NASP: variants seen among roughly 807,000 people sequenced by gnomAD.
The protein encoded by NASP is NASP histone chaperone.
In NASP, 24 loss-of-function variants were observed where a neutral mutation model predicts 89.5. The ratio of observed to expected loss-of-function variants is 0.27; its 90% CI spans 0.19 to 0.38. NASP has a LOEUF of 0.38. Among genes scored for constraint, NASP ranks in the 10% least tolerant of loss-of-function variants. NASP has a pLI of 1.00. For synonymous variants in NASP, 306 were observed against 324.7 expected, an observed-to-expected ratio of 0.94 and a Z score of 0.62; for missense variants, 848 against 921.4, an observed-to-expected ratio of 0.92 and a Z score of 1.03.
intron 5 of NASP, chr1:45,606,799 G>T (rs1398235732): frequency 6.9e-6 from 3 of 437,444 alleles, no homozygotes; most frequent in East Asian, 7.5e-5. Context: ...ATTTTCTCAA[G>T]TAAATCCAGT....
At position 45,594,629 on chromosome 1, in the gene NASP, C is replaced by T. The variant is rs982917395; in HGVS notation, c.107+3359C>T. ...TCAGGTGATCCTCCTGCCTTAGACTCCTGGGTAGCTAGGATCACAGATGTG... is the reference window on the plus strand; with the variant it reads ...TCAGGTGATCCTCCTGCCTTAGACTTCTGGGTAGCTAGGATCACAGATGTG... On this transcript the variant is annotated intron_variant, in intron 2 of 14. Coordinates refer to ENST00000350030, the MANE Select transcript of NASP (RefSeq NM_002482.4). 4.9e-5 allele frequency: 21 copies of T among 429,804 alleles called. No homozygotes were observed. In the East Asian group the frequency reaches 1.2e-3, roughly 25 times the overall value. The allele number at this position is 429,804 out of a possible 1,614,324, so 26.6% of individuals were successfully genotyped here.
chr1:45,595,154 TGTGTG>T (rs1643662173), intron 2 of NASP, among the ~76,000 whole-genome samples: 1 of 142,328 alleles, frequency 7.0e-6, no homozygotes, highest in Non-Finnish European at 1.6e-5. Flanking sequence ...TGTGTGTGTG[TGTGTG>T]TGTGTGTGTG....
At position 45,615,658 on chromosome 1, in the gene NASP, C is replaced by T. The variant is rs541711873; in HGVS notation, c.2022+187C>T. On this transcript the variant is annotated intron_variant, in intron 11 of 14. Coordinates refer to ENST00000350030, the MANE Select transcript of NASP (RefSeq NM_002482.4). ...GCCCCAGACTATCTGGGTTTTAATT[C>T]CATACTTACGTGTGGCCATGGGCCT... The T allele has an allele frequency of 1.2e-3, 681 of 581,980 alleles. 4 individuals are homozygous for T. Among genetic ancestry groups the T allele is most frequent in the South Asian group, 2.5e-3 (113 of 44,654 alleles). 36.1% of individuals were successfully genotyped at this position (581,980 alleles called of 1,614,324 possible).
intron 12 of NASP, 96 bp from the exon 13 acceptor site, chr1:45,616,530 G>T: frequency 6.7e-7 from 1 of 1,503,622 alleles, no homozygotes; most frequent in Non-Finnish European, 9.2e-7. Flanking sequence ...GGGCAACATA[G>T]TGAGACCTTG....
intron 2 of NASP, among the ~76,000 whole-genome samples, chr1:45,595,198 A>G (rs528868052): frequency 9.4e-4 from 136 of 144,578 alleles, no homozygotes; most frequent in Middle Eastern, 7.5e-3. Flanking sequence ...TTTTAGAGAC[A>G]GGGTCTTATT....
chr1:45,614,443 G>A (rs778109922), intron 9 of NASP, 77 bp downstream of exon 9: 231 of 1,159,726 alleles, frequency 2.0e-4, no homozygotes, highest in Non-Finnish European at 2.6e-4. Context: ...CTCTGGAACC[G>A]AACTTGATCT....
chr1:45,608,326 A>G lies in NASP; in HGVS notation c.1415A>G (p.Lys472Arg). The G allele has an allele frequency of 6.2e-7, 1 of 1,606,486 alleles. No individual in the cohort carries two copies. The highest frequency in any genetic ancestry group is 1.7e-5 in the Admixed American group (1 of 58,476). Residue 472 changes from lysine (K) to arginine (R), a missense_variant, in exon 6 of 15, where the codon AAA becomes AGA. By Grantham distance (26) the Lys-to-Arg change is conservative. This residue lies in a region of NASP where 464 missense variants were observed against 469.4 expected (regional missense o/e 0.99). Transcript: ENST00000350030. ...ACACAAGAGAGAGAAGAACAGATGA[A>G]AGAGGGTGAAGGTAACCGGGATATG... ...EETQEREEQM[K>R]EGEETEGSEE...
At chr1:45,592,708 T>G (rs188143444) in intron 2 of NASP, 4 of 152,226 alleles carry the variant, frequency 2.6e-5, no homozygotes, top group African/African-American at 9.6e-5. Context: ...AGAGACAGGG[T>G]TTCGCCATGT....
rs187219875 is a variant in NASP at position 45,614,696 on chromosome 1, G to A, written c.1667-317G>A. Among the ~76,000 whole-genome samples the A allele has an allele frequency of 5.7e-4, 86 of 152,146 alleles. No homozygotes were observed. The East Asian group carries it at 0.013, about 23-fold the overall frequency. Reference sequence around the variant, plus strand: ...TGGGATTACAGGCACCCACCACCACGCCCGGTTAATTTTTGTATTTTTAGT... The same window carrying A: ...TGGGATTACAGGCACCCACCACCACACCCGGTTAATTTTTGTATTTTTAGT... On this transcript the variant is annotated intron_variant, in intron 9 of 14. Transcript: ENST00000350030.
rs529940436 is a variant in NASP, at chr1:45,588,602, C to T, written c.60-2621C>T. 9.5e-5 allele frequency: 43 copies of T among 451,668 alleles called. 1 individual carries two copies. The highest frequency in any genetic ancestry group is 7.7e-4 in the African/African-American group (38 of 49,588). 28.0% of individuals were successfully genotyped at this position (451,668 alleles called of 1,614,324 possible). A position where few individuals can be genotyped will look rare whatever the true frequency, so the allele number is the denominator to read the frequency against. The stretch of plus-strand genomic sequence containing the variant: ...CTCCTTAACCCTATCTTTGACTATT[C>T]GATGGGTAAAACATACTTTCTAAGT... On this transcript the variant is annotated intron_variant, in intron 1 of 14. Transcript: ENST00000350030.
intron 2 of NASP, among the ~76,000 whole-genome samples, chr1:45,594,982 T>A (rs1315289832): frequency 1.3e-5 from 2 of 152,110 alleles, no homozygotes; most frequent in African/African-American, 4.8e-5. Flanking sequence ...CGGAACTGCT[T>A]AATCTTTCCT....
At chr1:45,594,269 C>T (rs1044608561) in intron 2 of NASP, among the ~76,000 whole-genome samples, 7 of 151,302 alleles carry the variant, frequency 4.6e-5, no homozygotes, top group African/African-American at 1.5e-4. Flanking sequence ...GTGGAAGTTG[C>T]AGTCAGCCAA....
At chr1:45,597,298 CTTTTTTTTT>C (rs71056314) in intron 2 of NASP, among the ~76,000 whole-genome samples, 98 of 99,850 alleles carry the variant, frequency 9.8e-4, no homozygotes, top group East Asian at 1.5e-3. Context: ...CAGAGCAAGA[CTTTTTTTTT>C]TTTTTTTTTT....
At chr1:45,613,811 C>T (rs1644057496) in intron 7 of NASP, among the ~76,000 whole-genome samples, 2 of 152,240 alleles carry the variant, frequency 1.3e-5, no homozygotes, top group South Asian at 2.1e-4. Context: ...TTATAGATAA[C>T]TGTCTCTTGA....
intron 2 of NASP, among the ~76,000 whole-genome samples, chr1:45,591,632 G>A (rs1240088214): frequency 6.6e-6 from 1 of 152,064 alleles, no homozygotes; most frequent in East Asian, 1.9e-4. Context: ...AGGATTATAG[G>A]TGTGAACTAC....
At position 45,584,155 on chromosome 1, in the gene NASP, G is replaced by A; in HGVS notation, c.9G>A (p.Met3Ile). The change falls in exon 1 of 15, where the codon ATG becomes ATA. Residue 3 changes from methionine (M) to isoleucine (I), a missense_variant. By Grantham distance (10) the Met-to-Ile change is conservative (BLOSUM62 1). This residue lies in a region of NASP where 89 missense variants were observed against 79.2 expected (regional missense o/e 1.12). Transcript: ENST00000350030. MA[M>I]ESTATAAVAA... ...GCCACCTCAGGGGAACGATGGCCAT[G>A]GAGTCCACAGCCACTGCCGCCGTCG... 1 of 1,595,710 alleles carries A rather than the reference G, an allele frequency of 6.3e-7. No homozygotes were observed. The highest frequency in any genetic ancestry group is 8.5e-7 in the Non-Finnish European group (1 of 1,171,368).
rs139726233 is a variant in NASP, at chr1:45,607,819, C to A, written c.908C>A (p.Thr303Lys). ...GTAGAAGCAGAGTCTTTAGACCCGACAGTCAAGCCAGTGGATGTGGGTGGG... is the reference window on the plus strand; with the variant it reads ...GTAGAAGCAGAGTCTTTAGACCCGAAAGTCAAGCCAGTGGATGTGGGTGGG... ...VEVEAESLDPTVKPVDVGGDE... is the reference protein window; with the variant it reads ...VEVEAESLDPKVKPVDVGGDE... The change falls in exon 6 of 15, where the codon ACA becomes AAA. Residue 303 changes from threonine to lysine, a missense_variant. Physicochemically the swap from Thr to Lys is moderately conservative, Grantham distance 78 (BLOSUM62 -1). This residue lies in a region of NASP where 464 missense variants were observed against 469.4 expected (regional missense o/e 0.99). Transcript: ENST00000350030. The A allele has an allele frequency of 1.2e-6, 2 of 1,613,974 alleles. No individual in the cohort carries two copies. The highest frequency in any genetic ancestry group is 2.7e-5 in the African/African-American group (2 of 74,900).
intron 4 of NASP, 113 bp from the exon 5 acceptor site, chr1:45,606,369 C>G (rs1643908439): frequency 1.5e-6 from 1 of 664,000 alleles, no homozygotes; most frequent in Admixed American, 2.8e-5. Context: ...TTTGTATTGC[C>G]TGCGCTTGGC....
intron 9 of NASP, 180 bp from the exon 10 acceptor site, chr1:45,614,833 A>T (rs913308604): frequency 1.7e-6 from 1 of 592,644 alleles, no homozygotes; most frequent in Non-Finnish European, 2.9e-6. Flanking sequence ...CACCACGCCC[A>T]GCCTCAGTAG....
Sources: allele counts gnomAD v4.1 joint callset (sites outside exome capture counted in the v4.1 genomes callset), GRCh38; gene constraint gnomAD v4.1.1; regional missense constraint gnomAD v4.1.1; transcripts MANE v1.5; gene names NCBI Gene and HGNC (gene_info 2026-07-23, HGNC 2026-07-21).